The following GRM7 variants were observed in gnomAD, a reference collection of about 807,000 sequenced individuals.
GRM7 encodes the protein metabotropic glutamate receptor 7.
A neutral mutation model predicts 84.5 loss-of-function variants in GRM7; 35 were observed. That is an observed-to-expected ratio of 0.41 (90% CI 0.32 to 0.55). The LOEUF (loss-of-function observed/expected upper bound fraction) is 0.55. GRM7 is among the 20% of genes least tolerant of loss of function. The probability of loss-of-function intolerance (pLI) is 0.19; values close to 1 mark genes in which losing one functional copy is unlikely to be tolerated. For missense variants in GRM7, 1,003 were observed against 1,194.6 expected (o/e 0.84, Z 2.36); for synonymous variants, 487 against 455.1 (o/e 1.07, Z -0.89).
chr3:7,284,734 A>G (rs906395182), intron 2 of GRM7, among the ~76,000 whole-genome samples: 1 of 152,038 alleles, frequency 6.6e-6, no homozygotes, highest in African/African-American at 2.4e-5. Context: ...TCACTTTCCT[A>G]TGTTCATTTA....
chr3:7,049,689 T>G (rs962541051), intron 1 of GRM7, among the ~76,000 whole-genome samples: 3 of 151,832 alleles, frequency 2.0e-5, no homozygotes, highest in African/African-American at 7.3e-5. Context: ...CTATGAAAAA[T>G]TATTGCAAAA....
At chr3:6,935,062 C>G (rs775393788) in intron 1 of GRM7, among the ~76,000 whole-genome samples, 63 of 152,286 alleles carry the variant, frequency 4.1e-4, no homozygotes, top group Middle Eastern at 6.8e-3. Context: ...ATCCCTTGCC[C>G]TCGGCACTAA....
chr3:7,626,871 G>A (rs1037880602), intron 8 of GRM7, among the ~76,000 whole-genome samples: 3 of 150,424 alleles, frequency 2.0e-5, no homozygotes, highest in African/African-American at 7.3e-5. Context: ...TGTCAAGACC[G>A]AACATTATTA....
At chr3:7,428,401 C>A (rs1318568839) in intron 5 of GRM7, among the ~76,000 whole-genome samples, 1 of 152,118 alleles carries the variant, frequency 6.6e-6, no homozygotes, top group Non-Finnish European at 1.5e-5. Flanking sequence ...TGTTCACCTG[C>A]TTTTAATGTT....
intron 1 of GRM7, among the ~76,000 whole-genome samples, chr3:6,888,484 A>C: frequency 6.6e-6 from 1 of 152,178 alleles, no homozygotes; most frequent in Non-Finnish European, 1.5e-5. Context: ...TTTATTAAAT[A>C]GGGAATCCTT....
intron 7 of GRM7, among the ~76,000 whole-genome samples, chr3:7,525,146 A>G (rs1700743710): frequency 6.6e-6 from 1 of 151,636 alleles, no homozygotes; most frequent in Non-Finnish European, 1.5e-5. Flanking sequence ...GGATAGCATT[A>G]GGAGATATAC....
intron 1 of GRM7, among the ~76,000 whole-genome samples, chr3:7,022,159 T>G (rs2124913378): frequency 6.6e-6 from 1 of 151,936 alleles, no homozygotes; most frequent in East Asian, 1.9e-4. Context: ...ATACCCAGTC[T>G]CTACAAAAAA....
intron 1 of GRM7, among the ~76,000 whole-genome samples, chr3:7,042,689 CTT>C (rs1421676102): frequency 1.3e-5 from 2 of 152,044 alleles, no homozygotes; most frequent in Non-Finnish European, 2.9e-5. Context: ...CTTTTAAACA[CTT>C]TTTTGTATCT....
intron 1 of GRM7, among the ~76,000 whole-genome samples, chr3:6,990,519 A>T (rs1000975548): frequency 1.3e-5 from 2 of 152,146 alleles, no homozygotes; most frequent in East Asian, 3.9e-4. Flanking sequence ...ATTACTATCG[A>T]CATGGCTCCA....
intron 2 of GRM7, among the ~76,000 whole-genome samples, chr3:7,259,045 A>G (rs1401650212): frequency 6.6e-6 from 1 of 152,216 alleles, no homozygotes; most frequent in Non-Finnish European, 1.5e-5. Flanking sequence ...GCTAGGTTGG[A>G]GCCAGATAGA....
At chr3:7,696,571 AC>A (rs1464823570) in intron 9 of GRM7, among the ~76,000 whole-genome samples, 7 of 152,178 alleles carry the variant, frequency 4.6e-5, no homozygotes, top group Admixed American at 3.3e-4. Context: ...CAGAGGCTTC[AC>A]CCAACCTTAA....
chr3:7,372,401 A>T (rs1206920514), intron 4 of GRM7, among the ~76,000 whole-genome samples: 1 of 152,180 alleles, frequency 6.6e-6, no homozygotes, highest in African/African-American at 2.4e-5. Flanking sequence ...TCAGGTGTGA[A>T]GTCTTAAGTG....
At chr3:7,031,442 A>G (rs1390642863) in intron 1 of GRM7, among the ~76,000 whole-genome samples, 1 of 151,070 alleles carries the variant, frequency 6.6e-6, no homozygotes, top group African/African-American at 2.5e-5. Context: ...TTTGAGATGG[A>G]GTCTTGCTCT....
intron 9 of GRM7, among the ~76,000 whole-genome samples, chr3:7,727,956 A>G (rs1702187940): frequency 6.6e-6 from 1 of 152,126 alleles, no homozygotes; most frequent in Non-Finnish European, 1.5e-5. Flanking sequence ...GCCTAGTTGG[A>G]TTCCAAGAAA....
chr3:7,347,682 A>C (rs1041450653), intron 4 of GRM7, among the ~76,000 whole-genome samples: 7 of 152,170 alleles, frequency 4.6e-5, no homozygotes, highest in Non-Finnish European at 7.4e-5. Flanking sequence ...TAAGGCATAC[A>C]TAAATTAAAA....
intron 2 of GRM7, among the ~76,000 whole-genome samples, chr3:7,167,833 G>A (rs1273770656): frequency 6.6e-6 from 1 of 151,818 alleles, no homozygotes; most frequent in Non-Finnish European, 1.5e-5. Flanking sequence ...GCTAGGCGTG[G>A]TGGCAGGCAC....
At chr3:7,687,939 G>A (rs1172785022) in intron 9 of GRM7, among the ~76,000 whole-genome samples, 1 of 152,068 alleles carries the variant, frequency 6.6e-6, no homozygotes, top group Non-Finnish European at 1.5e-5. Flanking sequence ...ATCTGTCCTA[G>A]TTTTTAAATA....
intron 2 of GRM7, among the ~76,000 whole-genome samples, chr3:7,149,359 T>A (rs1694206911): frequency 6.6e-6 from 1 of 152,148 alleles, no homozygotes; most frequent in Admixed American, 6.5e-5. Context: ...AAGACACACA[T>A]CCCATGACCT....
At chr3:7,387,020 T>G (rs1277113854) in intron 4 of GRM7, among the ~76,000 whole-genome samples, 4 of 152,238 alleles carry the variant, frequency 2.6e-5, no homozygotes, top group Non-Finnish European at 5.9e-5. Context: ...TAATGATTAC[T>G]GATTTTGAGC....
Sources: allele counts gnomAD v4.1 joint callset (sites outside exome capture counted in the v4.1 genomes callset), GRCh38; gene constraint gnomAD v4.1.1; transcripts MANE v1.5; gene names NCBI Gene and HGNC (gene_info 2026-07-23, HGNC 2026-07-21).